ABI1: variants seen among roughly 807,000 people sequenced by gnomAD.
ABI1 encodes the protein Abelson interactor 1.
In ABI1, 14 loss-of-function variants were observed where a neutral mutation model predicts 54.6. The observed-to-expected ratio is 0.26, with a 90% CI of 0.17 to 0.40. ABI1 has a LOEUF of 0.40. Ranked by LOEUF, ABI1 falls within the 10% of genes least tolerant of loss-of-function variation. The pLI is 1.00. For missense variants in ABI1, 443 were observed against 598.3 expected, an observed-to-expected ratio of 0.74 and a Z score of 2.71; for synonymous variants, 194 against 209.3, an observed-to-expected ratio of 0.93 and a Z score of 0.63.
At chr10:26,804,158 A>G (rs2046736297) in intron 2 of ABI1, among the ~76,000 whole-genome samples, 2 of 152,054 alleles carry the variant, frequency 1.3e-5, no homozygotes, top group Non-Finnish European at 2.9e-5. Flanking sequence ...TGAGGCAAGC[A>G]GATCACCTGG....
At chr10:26,804,381 TAAA>T (rs543934752) in intron 2 of ABI1, among the ~76,000 whole-genome samples, 1 of 138,576 alleles carries the variant, frequency 7.2e-6, no homozygotes. Context: ...AGGCTCTATT[TAAA>T]AAAAAAAAAA....
At chr10:26,837,509 A>G (rs977490046) in intron 1 of ABI1, among the ~76,000 whole-genome samples, 7 of 152,218 alleles carry the variant, frequency 4.6e-5, no homozygotes, top group Admixed American at 1.3e-4. Flanking sequence ...ATTCACAATT[A>G]GAATAATCTT....
chr10:26,747,835 AT>A lies in ABI1; in HGVS notation c.*734del, dbSNP rs201405368. 571 of 192,642 alleles carry A rather than the reference AT, an allele frequency of 3.0e-3. 1 individual carries two copies. Among genetic ancestry groups the A allele is most frequent in the Admixed American group, 8.5e-3 (138 of 16,320 alleles). The allele number at this position is 192,642 out of a possible 1,614,324, so 11.9% of individuals were successfully genotyped here. ...ATTCTGCAATAAATCATTATCTTTT[AT>A]TTTTTTTAAAGCAAATCAGTGAAGG... is the stretch of plus-strand genomic sequence containing the variant. On this transcript the variant is annotated 3_prime_UTR_variant, in exon 11 of 11. Coordinates refer to ENST00000376140, the MANE Select transcript of ABI1 (RefSeq NM_001012750.3).
chr10:26,835,120 C>T (rs764058210), intron 1 of ABI1, among the ~76,000 whole-genome samples: 82 of 137,792 alleles, frequency 6.0e-4, no homozygotes, highest in Admixed American at 1.2e-3. Context: ...AAAAAACCCA[C>T]AATGCAATAT....
intron 2 of ABI1, among the ~76,000 whole-genome samples, chr10:26,778,309 T>G (rs941615781): frequency 3.3e-5 from 5 of 152,096 alleles, no homozygotes; most frequent in African/African-American, 1.2e-4. Context: ...CAACTTAAAA[T>G]CTGGCTTAAT....
chr10:26,835,098 A>AC (rs1234938210), intron 1 of ABI1, among the ~76,000 whole-genome samples: 11 of 126,770 alleles, frequency 8.7e-5, no homozygotes, highest in African/African-American at 2.5e-4. Flanking sequence ...CAAAAAAAAA[A>AC]AAAAAAAAAA....
chr10:26,847,027 T>C (rs1299903275), intron 1 of ABI1, among the ~76,000 whole-genome samples: 1 of 139,616 alleles, frequency 7.2e-6, no homozygotes, highest in South Asian at 2.7e-4. Context: ...GGAGGCCAAC[T>C]ATAAAATCAC....
At chr10:26,781,632 T>G (rs1273021497) in intron 2 of ABI1, among the ~76,000 whole-genome samples, 1 of 152,194 alleles carries the variant, frequency 6.6e-6, no homozygotes, top group Non-Finnish European at 1.5e-5. Context: ...CTTGAAAACC[T>G]TGTTATATTT....
At chr10:26,798,154 T>C (rs1164034103) in intron 2 of ABI1, among the ~76,000 whole-genome samples, 1 of 152,228 alleles carries the variant, frequency 6.6e-6, no homozygotes, top group African/African-American at 2.4e-5. Flanking sequence ...AGTAGCTTTT[T>C]GGCCTCTAGC....
intron 7 of ABI1, among the ~76,000 whole-genome samples, chr10:26,763,070 T>G (rs979489421): frequency 1.1e-4 from 16 of 152,348 alleles, no homozygotes; most frequent in African/African-American, 3.8e-4. Flanking sequence ...GGGTTGAGGC[T>G]ATTTTTTTCT....
chr10:26,829,779 G>A (rs1564552764), intron 1 of ABI1, among the ~76,000 whole-genome samples: 3 of 152,074 alleles, frequency 2.0e-5, no homozygotes, highest in East Asian at 1.9e-4. Flanking sequence ...AGTCACTAGC[G>A]ACTTTTGTAG....
intron 5 of ABI1, among the ~76,000 whole-genome samples, chr10:26,769,349 A>C (rs1007539389): frequency 6.6e-6 from 1 of 152,136 alleles, no homozygotes; most frequent in Non-Finnish European, 1.5e-5. Flanking sequence ...TTAAACAGGA[A>C]GCTAAATTTA....
Position 26,860,705 on chromosome 10 carries a change from C to A in ABI1, c.117+42G>T. ...CAGTGGGCTGGTCACTCCGGCGGGT[C>A]CTCGACCCGGCCAGCGCCCGCCGGC... is the stretch of plus-strand genomic sequence containing the variant. On this transcript the variant is annotated intron_variant, in intron 1 of 10. Coordinates refer to ENST00000376140, the MANE Select transcript of ABI1 (RefSeq NM_001012750.3). This position sits in a 1 kb window ranked among gnomAD's most constrained non-coding sequence, Gnocchi z 4.1. 2 of 1,544,756 alleles carry A rather than the reference C, an allele frequency of 1.3e-6. No individual in the cohort carries two copies. Among genetic ancestry groups the A allele is most frequent in the South Asian group, 2.2e-5 (2 of 89,778 alleles).
intron 2 of ABI1, among the ~76,000 whole-genome samples, chr10:26,818,479 A>T (rs2047731678): frequency 6.6e-6 from 1 of 151,076 alleles, no homozygotes; most frequent in East Asian, 2.0e-4. Flanking sequence ...ATTAGCTGGC[A>T]TGCACCTGTA....
chr10:26,775,561 C>T (rs1841291335), intron 3 of ABI1, among the ~76,000 whole-genome samples: 1 of 152,066 alleles, frequency 6.6e-6, no homozygotes, highest in South Asian at 2.1e-4. Flanking sequence ...CCAAAATTCA[C>T]ATTCATATAC....
At chr10:26,761,414 AGTGT>A (rs762842452) in intron 7 of ABI1, among the ~76,000 whole-genome samples, 71 of 151,476 alleles carry the variant, frequency 4.7e-4, no homozygotes, top group Non-Finnish European at 8.4e-4. Flanking sequence ...AATGCCAAAG[AGTGT>A]GTGACTTATA....
At chr10:26,766,896 C>T (rs183408172) in intron 6 of ABI1, among the ~76,000 whole-genome samples, 2 of 152,210 alleles carry the variant, frequency 1.3e-5, no homozygotes, top group East Asian at 3.9e-4. Context: ...TAAAGTTTTA[C>T]TGGAACACAG....
chr10:26,787,945 T>C (rs1314953334), intron 2 of ABI1, among the ~76,000 whole-genome samples: 1 of 152,170 alleles, frequency 6.6e-6, no homozygotes, highest in East Asian at 1.9e-4. Context: ...GATATAACAT[T>C]TTATGCAAGT....
Position 26,818,631 on chromosome 10 carries a change from C to CAAAAAAAA in ABI1, c.285+4499_285+4506dup, listed in dbSNP as rs376157276. ...TGGACAACAAAGCGAGACCCCGTCA[C>CAAAAAAAA]AAAAAAAAAAAAAAAAAAGAGCAAA... On this transcript the variant is annotated intron_variant, in intron 2 of 10. Coordinates refer to ENST00000376140, the MANE Select transcript of ABI1 (RefSeq NM_001012750.3). Among the ~76,000 whole-genome samples the CAAAAAAAA allele has an allele frequency of 2.6e-3, 189 of 72,452 alleles. 1 individual carries two copies. The highest frequency in any genetic ancestry group is 7.3e-3 in the African/African-American group (130 of 17,750). 47.5% of individuals were successfully genotyped at this position (72,452 alleles called of 152,430 possible). A position where few individuals can be genotyped will look rare whatever the true frequency, so the allele number is the denominator to read the frequency against.
Sources: allele counts gnomAD v4.1 joint callset (sites outside exome capture counted in the v4.1 genomes callset), GRCh38; gene constraint gnomAD v4.1.1; non-coding constraint Gnocchi (gnomAD v3.1); transcripts MANE v1.5; gene names NCBI Gene and HGNC (gene_info 2026-07-23, HGNC 2026-07-21).